Variants in CERT1 observed in about 807,000 individuals in gnomAD.
CERT1 encodes the protein ceramide transfer protein.
CERT1 carries 31 observed loss-of-function variants against 87.9 expected under a neutral mutation model. The observed-to-expected ratio is 0.35, with a 90% CI of 0.27 to 0.48. The LOEUF (loss-of-function observed/expected upper bound fraction) is 0.48, where lower values mean the gene tolerates loss of function less well. Ranked by LOEUF, CERT1 falls within the 20% of genes least tolerant of loss-of-function variation. The pLI, the probability that CERT1 is intolerant of heterozygous loss-of-function variation, is 0.99. For missense variants in CERT1, 487 were observed against 758.0 expected, an observed-to-expected ratio of 0.64 and a Z score of 4.20; for synonymous variants, 289 against 250.9, an observed-to-expected ratio of 1.15 and a Z score of -1.44.
rs187015530 is a variant in CERT1 at position 75,419,142 on chromosome 5, C to A, written c.679+199G>T. Among the ~76,000 whole-genome samples, 8 of 152,292 alleles carry A rather than the reference C, an allele frequency of 5.3e-5. No individual in the cohort carries two copies. The East Asian group carries it at 1.5e-3, about 29-fold the overall frequency. ...AGCAAATGATGCTGGGACAGCTGGACATCCTTATGTAAAAGTTACCATTAT... is the reference window on the plus strand; with the variant it reads ...AGCAAATGATGCTGGGACAGCTGGAAATCCTTATGTAAAAGTTACCATTAT... On this transcript the variant is annotated intron_variant, in intron 6 of 16. Coordinates refer to ENST00000643780, the MANE Select transcript of CERT1 (RefSeq NM_001379029.1).
intron 16 of CERT1, among the ~76,000 whole-genome samples, chr5:75,380,045 G>A (rs1761499817): frequency 6.6e-6 from 1 of 152,130 alleles, no homozygotes; most frequent in South Asian, 2.1e-4. Flanking sequence ...GTTATTTAGG[G>A]CAGATTATTC....
At chr5:75,407,660 C>G (rs915660473) in intron 8 of CERT1, among the ~76,000 whole-genome samples, 35 of 152,120 alleles carry the variant, frequency 2.3e-4, no homozygotes, top group African/African-American at 7.9e-4. Flanking sequence ...ATGGATGGAG[C>G]TGGAGGCCAT....
At chr5:75,387,101 T>G (rs891423165) in intron 12 of CERT1, among the ~76,000 whole-genome samples, 4 of 152,026 alleles carry the variant, frequency 2.6e-5, no homozygotes, top group Non-Finnish European at 4.4e-5. Flanking sequence ...ACTTCTGACC[T>G]CAGATGATCT....
At chr5:75,455,546 T>C (rs1008555688) in intron 3 of CERT1, among the ~76,000 whole-genome samples, 2 of 152,210 alleles carry the variant, frequency 1.3e-5, no homozygotes, top group African/African-American at 4.8e-5. Context: ...GTCTAATACA[T>C]AGTAGTGCCA....
intron 3 of CERT1, among the ~76,000 whole-genome samples, chr5:75,428,530 T>C (rs1371889526): frequency 6.6e-6 from 1 of 151,948 alleles, no homozygotes; most frequent in East Asian, 1.9e-4. Flanking sequence ...TACACAAAAT[T>C]AGCAGGGCGC....
At position 75,377,967 on chromosome 5, in the gene CERT1, T is replaced by C. The variant is rs1761391667; in HGVS notation, c.*1379A>G. 6.6e-6 allele frequency: 1 copy of C among 152,224 alleles called. No homozygotes were observed. Among genetic ancestry groups the C allele is most frequent in the African/African-American group, 2.4e-5 (1 of 41,452 alleles). 9.4% of individuals were successfully genotyped at this position (152,224 alleles called of 1,614,324 possible). On this transcript the variant is annotated 3_prime_UTR_variant, in exon 17 of 17. Coordinates refer to ENST00000643780, the MANE Select transcript of CERT1 (RefSeq NM_001379029.1). ...CACGCCTAATTGTTTTTTGTCAAGA[T>C]GGAATCTTGCTATGTTATCCAGGCT...
At chr5:75,507,634 GA>G (rs1767715807) in intron 1 of CERT1, among the ~76,000 whole-genome samples, 2 of 152,262 alleles carry the variant, frequency 1.3e-5, no homozygotes, top group East Asian at 3.9e-4. Flanking sequence ...CTTCCTTGGG[GA>G]GACTGCTACT....
chr5:75,430,049 C>T (rs1162975044), intron 3 of CERT1, among the ~76,000 whole-genome samples: 3 of 150,944 alleles, frequency 2.0e-5, no homozygotes, highest in African/African-American at 4.9e-5. Context: ...AAGAGGATGA[C>T]GAGAGGAGGA....
intron 2 of CERT1, among the ~76,000 whole-genome samples, chr5:75,473,053 GA>G (rs1445292618): frequency 4.6e-5 from 7 of 152,064 alleles, no homozygotes; most frequent in Admixed American, 3.3e-4. Context: ...TATAGTATAT[GA>G]ACACAATGGA....
chr5:75,388,648 C>G, intron 12 of CERT1, among the ~76,000 whole-genome samples: 1 of 125,294 alleles, frequency 8.0e-6, no homozygotes, highest in East Asian at 2.3e-4. Context: ...ATATCTCACA[C>G]AGGGTCTCAC....
chr5:75,419,231 C>T (rs1378504139), intron 6 of CERT1, 110 bp downstream of exon 6: 2 of 625,946 alleles, frequency 3.2e-6, no homozygotes, highest in East Asian at 3.0e-5. Context: ...TTGGATTCCA[C>T]CAGTTCTACT....
chr5:75,479,661 T>C (rs573486359), intron 2 of CERT1, among the ~76,000 whole-genome samples: 1 of 152,360 alleles, frequency 6.6e-6, no homozygotes, highest in South Asian at 2.1e-4. Context: ...GGTGTCTATG[T>C]ACCACATTTT....
upstream of CERT1, chr5:75,511,687 T>C (rs1580883623): frequency 1.0e-5 from 15 of 1,496,104 alleles, no homozygotes; most frequent in South Asian, 1.5e-4. Context: ...CCCCCACTAC[T>C]CCCCGCCCCG....
intron 7 of CERT1, among the ~76,000 whole-genome samples, chr5:75,413,833 T>C (rs1763028076): frequency 6.6e-6 from 1 of 152,086 alleles, no homozygotes; most frequent in South Asian, 2.1e-4. Flanking sequence ...AATAATCACT[T>C]TGGAAAATCA....
intron 7 of CERT1, among the ~76,000 whole-genome samples, chr5:75,415,676 T>A (rs528594074): frequency 1.3e-5 from 2 of 152,114 alleles, no homozygotes; most frequent in African/African-American, 4.8e-5. Flanking sequence ...TGCCAAAAAG[T>A]TGGAAATAAG....
intron 3 of CERT1, among the ~76,000 whole-genome samples, chr5:75,427,516 C>A (rs1037079031): frequency 1.7e-4 from 26 of 152,114 alleles, no homozygotes; most frequent in African/African-American, 6.3e-4. Context: ...GGAGAATCGC[C>A]TGAACCTGGG....
intron 2 of CERT1, among the ~76,000 whole-genome samples, chr5:75,465,873 G>C (rs746674810): frequency 6.6e-6 from 1 of 152,152 alleles, no homozygotes; most frequent in Non-Finnish European, 1.5e-5. Context: ...GAAGGACAGC[G>C]CAACATTCTG....
chr5:75,482,110 G>T (rs1766273743), intron 2 of CERT1, among the ~76,000 whole-genome samples: 1 of 152,102 alleles, frequency 6.6e-6, no homozygotes, highest in African/African-American at 2.4e-5. Flanking sequence ...GGGCTCTTGG[G>T]GTCCCAAATT....
In CERT1 at chr5:75,511,443, G is replaced by A; in HGVS notation, c.-236C>T. The A allele has an allele frequency of 2.0e-6, 3 of 1,527,686 alleles. No individual in the cohort carries two copies. The highest frequency in any genetic ancestry group is 2.6e-6 in the Non-Finnish European group (3 of 1,136,594). The allele number at this position is 1,527,686 out of a possible 1,614,324, so 94.6% of individuals were successfully genotyped here. A position where few individuals can be genotyped will look rare whatever the true frequency, so the allele number is the denominator to read the frequency against. ...AGGAAGCCTACCCTTCCAGCCGTCA[G>A]CCGCCGCCGCCGTCGCCGTGACCCC... On this transcript the variant is annotated 5_prime_UTR_variant, in exon 1 of 17. Transcript: ENST00000643780.
Sources: allele counts gnomAD v4.1 joint callset (sites outside exome capture counted in the v4.1 genomes callset), GRCh38; gene constraint gnomAD v4.1.1; transcripts MANE v1.5; gene names NCBI Gene and HGNC (gene_info 2026-07-23, HGNC 2026-07-21).